The following RTL9 variants were observed in gnomAD, a reference collection of about 807,000 sequenced individuals.
RTL9 encodes retrotransposon Gag like 9, also known as retrotransposon Gag-like protein 9.
RTL9 carries 19 observed loss-of-function variants against 44.7 expected under a neutral mutation model. The observed-to-expected ratio is 0.42, with a 90% CI of 0.30 to 0.62. The LOEUF (loss-of-function observed/expected upper bound fraction) is 0.62, where lower values mean the gene tolerates loss of function less well. Ranked by LOEUF, RTL9 falls within the 20% of genes least tolerant of loss-of-function variation. The probability of loss-of-function intolerance (pLI) is 0.16; values close to 1 mark genes in which losing one functional copy is unlikely to be tolerated. For missense variants in RTL9, 1,105 were observed against 1,080.6 expected (o/e 1.02, Z -0.32); for synonymous variants, 407 against 398.9 (o/e 1.02, Z -0.24).
At chrX:110,390,972 C>A (rs1008810033) in intron 1 of RTL9, among the ~76,000 whole-genome samples, 1 of 111,638 alleles carries the variant, frequency 9.0e-6, no homozygotes, top group African/African-American at 3.3e-5. Flanking sequence ...GGTTATTCAG[C>A]GTAGCTTCAT....
At chrX:110,423,328 CA>C (rs764253802) in intron 1 of RTL9, among the ~76,000 whole-genome samples, 880 of 60,644 alleles carry the variant, frequency 0.015, 12 homozygotes, top group African/African-American at 0.046. Context: ...AACTCGGTCT[CA>C]AAAAAAAAAA....
At chrX:110,453,437 A>G (rs2068959249) in exon 1 of RTL9, 2 of 1,211,778 alleles carry the variant, frequency 1.7e-6, no homozygotes, top group Non-Finnish European at 2.2e-6. Flanking sequence ...CCACTGCACA[A>G]ACAACAGCCA....
chrX:110,363,933 G>C (rs1053618371), intron 1 of RTL9, among the ~76,000 whole-genome samples: 3 of 112,053 alleles, frequency 2.7e-5, no homozygotes, highest in African/African-American at 9.7e-5. Flanking sequence ...GAGGTTATGT[G>C]ACTTAAGCCC....
chrX:110,425,984 A>G (rs949828760), intron 1 of RTL9, among the ~76,000 whole-genome samples: 18 of 112,144 alleles, frequency 1.6e-4, no homozygotes, highest in African/African-American at 5.8e-4. Flanking sequence ...GTGCGCGCAC[A>G]CACACACACA....
At chrX:110,366,314 G>A (rs1326803345) in intron 1 of RTL9, among the ~76,000 whole-genome samples, 3 of 111,853 alleles carry the variant, frequency 2.7e-5, no homozygotes, top group African/African-American at 9.8e-5. Flanking sequence ...TCCTGGCTGC[G>A]AGAATATTCA....
At chrX:110,362,679 AT>A (rs2068272051) in intron 1 of RTL9, among the ~76,000 whole-genome samples, 1 of 111,943 alleles carries the variant, frequency 8.9e-6, no homozygotes, top group Non-Finnish European at 1.9e-5. Context: ...TAAATGAAGT[AT>A]TTACCAGTTC....
intron 1 of RTL9, among the ~76,000 whole-genome samples, chrX:110,381,671 A>C (rs1182574268): frequency 1.8e-5 from 2 of 111,741 alleles, no homozygotes; most frequent in Non-Finnish European, 3.8e-5. Flanking sequence ...TGGAATCAAC[A>C]TAGGTGCCCA....
intron 1 of RTL9, among the ~76,000 whole-genome samples, chrX:110,398,244 C>A (rs1315204617): frequency 2.7e-5 from 3 of 112,075 alleles, no homozygotes; most frequent in Non-Finnish European, 5.6e-5. Flanking sequence ...GCTGGCACCA[C>A]AATCCAGAAA....
chrX:110,379,336 T>C (rs956738216), intron 1 of RTL9, among the ~76,000 whole-genome samples: 6 of 112,350 alleles, frequency 5.3e-5, no homozygotes, highest in Non-Finnish European at 1.1e-4. Flanking sequence ...TTGCCTTCAG[T>C]TATTCTTTTC....
At chrX:110,447,111 C>CTTATTTTTT (rs2068912375), upstream of RTL9, among the ~76,000 whole-genome samples, 1 of 36,827 alleles carries the variant, frequency 2.7e-5, no homozygotes, top group Non-Finnish European at 4.4e-5. Flanking sequence ...TATTCTGTGA[C>CTTATTTTTT]TTTTTTTTTT....
intron 1 of RTL9, among the ~76,000 whole-genome samples, chrX:110,454,978 T>C (rs2068972075): frequency 8.9e-6 from 1 of 111,849 alleles, no homozygotes; most frequent in African/African-American, 3.3e-5. Context: ...AGTCCAATTC[T>C]AATAAATGGG....
intron 1 of RTL9, among the ~76,000 whole-genome samples, chrX:110,444,453 C>T (rs994926879): frequency 1.8e-5 from 2 of 112,696 alleles, no homozygotes; most frequent in Non-Finnish European, 3.7e-5. Context: ...AGGAAAATTG[C>T]AGCAGTCCAC....
At chrX:110,409,205 G>A (rs924890506) in intron 1 of RTL9, among the ~76,000 whole-genome samples, 1 of 110,263 alleles carries the variant, frequency 9.1e-6, no homozygotes, top group African/African-American at 3.3e-5. Flanking sequence ...TTTTTGAGAC[G>A]GGGACTTTTG....
chrX:110,451,141 G>C, exon 1 of RTL9: 3 of 1,212,099 alleles, frequency 2.5e-6, no homozygotes, highest in Non-Finnish European at 2.2e-6. Flanking sequence ...CCATCCTCTG[G>C]AGTGGTGTGT....
chrX:110,401,252 G>A (rs751578957), intron 1 of RTL9, among the ~76,000 whole-genome samples: 1 of 111,216 alleles, frequency 9.0e-6, no homozygotes, highest in South Asian at 3.9e-4. Flanking sequence ...ATGGTGAGCA[G>A]AGTCAGCTCT....
intron 1 of RTL9, among the ~76,000 whole-genome samples, chrX:110,389,401 A>T (rs1363512798): frequency 8.9e-6 from 1 of 112,069 alleles, no homozygotes; most frequent in Admixed American, 9.5e-5. Context: ...CTGCACTGGG[A>T]GTCAAAACAT....
intron 1 of RTL9, among the ~76,000 whole-genome samples, chrX:110,442,283 G>A (rs986989704): frequency 1.8e-5 from 2 of 108,429 alleles, no homozygotes; most frequent in Non-Finnish European, 3.8e-5. Flanking sequence ...GTGTGTGTGT[G>A]TGTGTTTCAG....
chrX:110,436,096 G>A (rs373449407), intron 1 of RTL9, among the ~76,000 whole-genome samples: 15 of 112,667 alleles, frequency 1.3e-4, no homozygotes, highest in African/African-American at 4.2e-4. Context: ...ATCGCTGTGC[G>A]TTTTGCACCT....
chrX:110,438,199 C>T lies in RTL9; in HGVS notation c.-167-6954C>T, dbSNP rs1408679241. Reference sequence around the variant, plus strand: ...GTCCCTCTATCAGAACCTGCTTTCACGATGGGAGATTTAAGAGGCTGATCC... The same window carrying T: ...GTCCCTCTATCAGAACCTGCTTTCATGATGGGAGATTTAAGAGGCTGATCC... On this transcript the variant is annotated intron_variant, in intron 1 of 3. Coordinates refer to the RTL9 transcript ENST00000465301. Among the ~76,000 whole-genome samples the T allele has an allele frequency of 2.7e-5, 3 of 111,158 alleles. No individual in the cohort carries two copies. The East Asian group carries it at 8.5e-4, about 31-fold the overall frequency.
Sources: allele counts gnomAD v4.1 joint callset (sites outside exome capture counted in the v4.1 genomes callset), GRCh38; gene constraint gnomAD v4.1.1; transcripts MANE v1.5; gene names NCBI Gene and HGNC (gene_info 2026-07-23, HGNC 2026-07-21).